BLMH: variants seen among roughly 807,000 people sequenced by gnomAD.
BLMH encodes bleomycin hydrolase.
A neutral mutation model predicts 61.6 loss-of-function variants in BLMH; 32 were observed. That is an observed-to-expected ratio of 0.52 (90% CI 0.39 to 0.70). The LOEUF is 0.70. BLMH is among the 30% of genes least tolerant of loss of function. The pLI is 0.00. For missense variants in BLMH, 460 were observed against 555.5 expected, an observed-to-expected ratio of 0.83 and a Z score of 1.73; for synonymous variants, 183 against 193.8, an observed-to-expected ratio of 0.94 and a Z score of 0.46.
At chr17:30,272,463 T>C in intron 9 of BLMH, 98 bp downstream of exon 9, 1 of 1,380,560 alleles carries the variant, frequency 7.2e-7, no homozygotes, top group Non-Finnish European at 1.0e-6. Flanking sequence ...TCAACCTTCA[T>C]CTTTGGATGA....
At chr17:30,280,041 G>C (rs1908543922) in intron 6 of BLMH, among the ~76,000 whole-genome samples, 1 of 152,180 alleles carries the variant, frequency 6.6e-6, no homozygotes. Flanking sequence ...GCAGTTGAGA[G>C]TCAGTTATAA....
chr17:30,290,587 T>C, intron 2 of BLMH, among the ~76,000 whole-genome samples: 1 of 152,258 alleles, frequency 6.6e-6, no homozygotes, highest in Non-Finnish European at 1.5e-5. Context: ...TTCCTGTCCG[T>C]ATAGATAGAC....
chr17:30,281,661 T>A (rs529611283), intron 6 of BLMH, among the ~76,000 whole-genome samples: 2 of 152,196 alleles, frequency 1.3e-5, no homozygotes, highest in Non-Finnish European at 2.9e-5. Flanking sequence ...TTCCAAAATA[T>A]ACCCTGAAAA....
chr17:30,282,713 C>A (rs1041126002), intron 6 of BLMH, among the ~76,000 whole-genome samples: 1 of 152,190 alleles, frequency 6.6e-6, no homozygotes, highest in Non-Finnish European at 1.5e-5. Context: ...CTGAGCTTCA[C>A]GGCTGTTGAT....
At chr17:30,266,523 CAAAAAAAAAAAAAAAGA>C (rs751567406) in intron 11 of BLMH, among the ~76,000 whole-genome samples, 2 of 53,080 alleles carry the variant, frequency 3.8e-5, no homozygotes, top group African/African-American at 5.7e-5. Flanking sequence ...AGACTCTGTC[CAAAAAAAAAAAAAAAGA>C]AAAAAAAAAG....
intron 11 of BLMH, among the ~76,000 whole-genome samples, chr17:30,261,145 C>A (rs1419801697): frequency 6.6e-6 from 1 of 152,156 alleles, no homozygotes; most frequent in Non-Finnish European, 1.5e-5. Flanking sequence ...CTCAAACAGA[C>A]CTGCAAATAA....
chr17:30,275,825 T>G (rs1908407649), intron 6 of BLMH, among the ~76,000 whole-genome samples: 1 of 152,236 alleles, frequency 6.6e-6, no homozygotes. Flanking sequence ...CTGTCCCTTT[T>G]GCACCCACAG....
Position 30,287,038 on chromosome 17 carries a change from GGTTTTTT to G in BLMH, c.464-143_464-137del, listed in dbSNP as rs577605303. The G allele has an allele frequency of 4.5e-3, 2,845 of 638,314 alleles. 14 individuals are homozygous for G. The highest frequency in any genetic ancestry group is 5.9e-3 in the Middle Eastern group (14 of 2,366). The allele number at this position is 638,314 out of a possible 1,614,324, so 39.5% of individuals were successfully genotyped here. On this transcript the variant is annotated intron_variant, in intron 4 of 11. Transcript: ENST00000261714. The stretch of plus-strand genomic sequence containing the variant: ...TCTTATACTTCATATTATGAAGCAG[GGTTTTTT>G]GTTTTTTGTTTTTTGTTTTTGACAG...
chr17:30,290,586 GTA>G (rs1397243427), intron 2 of BLMH, among the ~76,000 whole-genome samples: 1 of 152,190 alleles, frequency 6.6e-6, no homozygotes, highest in African/African-American at 2.4e-5. Context: ...CTTCCTGTCC[GTA>G]TAGATAGACT....
intron 11 of BLMH, among the ~76,000 whole-genome samples, chr17:30,263,516 T>C (rs2143020777): frequency 6.6e-6 from 1 of 152,344 alleles, no homozygotes; most frequent in South Asian, 2.1e-4. Flanking sequence ...CCCAGGTTGG[T>C]ATTACATGTT....
chr17:30,271,201 G>A (rs1908258828), intron 10 of BLMH, 70 bp downstream of exon 10: 3 of 1,165,934 alleles, frequency 2.6e-6, no homozygotes, highest in Non-Finnish European at 1.3e-6. Flanking sequence ...AGCTTTGTTG[G>A]GTAAACAGTC....
At chr17:30,284,632 C>A (rs907988185) in intron 6 of BLMH, among the ~76,000 whole-genome samples, 20 of 152,036 alleles carry the variant, frequency 1.3e-4, no homozygotes, top group African/African-American at 4.8e-4. Flanking sequence ...ATAATATTAC[C>A]ACCTCATATT....
intron 11 of BLMH, among the ~76,000 whole-genome samples, chr17:30,254,083 T>C (rs1201425085): frequency 6.6e-6 from 1 of 152,074 alleles, no homozygotes; most frequent in Non-Finnish European, 1.5e-5. Flanking sequence ...CCACCAGAAA[T>C]GTAAGATTTA....
intron 5 of BLMH, 141 bp from the exon 6 acceptor site, chr17:30,285,621 C>G (rs1908705975): frequency 1.9e-6 from 1 of 539,686 alleles, no homozygotes. Flanking sequence ...ATGTGTTTTT[C>G]TTCAACTTGT....
At chr17:30,273,630 G>C in intron 7 of BLMH, 1 of 198,084 alleles carries the variant, frequency 5.0e-6, no homozygotes, top group Non-Finnish European at 1.0e-5. Context: ...AGATGAGGAA[G>C]ACCTAAAGGG....
At chr17:30,285,928 TTTTCATTTTTTCA>T (rs201203689) in intron 5 of BLMH, among the ~76,000 whole-genome samples, 1,876 of 152,260 alleles carry the variant, frequency 0.012, 52 homozygotes, top group African/African-American at 0.043. Flanking sequence ...CCCAATAAAA[TTTTCATTTTTTCA>T]TTTCATTTTT....
intron 9 of BLMH, 112 bp from the exon 10 acceptor site, chr17:30,271,500 A>T: frequency 1.3e-6 from 1 of 747,250 alleles, no homozygotes; most frequent in Non-Finnish European, 2.3e-6. Flanking sequence ...GCTCCAAATA[A>T]ATAAGGCTCT....
chr17:30,274,088 T>G lies in BLMH; in HGVS notation c.755A>C (p.Glu252Ala). 1 of 1,614,136 alleles carries G rather than the reference T, an allele frequency of 6.2e-7. No individual in the cohort carries two copies. The highest frequency in any genetic ancestry group is 8.5e-7 in the Non-Finnish European group (1 of 1,180,020). Residue 252 changes from glutamate (E) to alanine (A), a missense_variant, in exon 7 of 12, where the codon GAG becomes GCG. Physicochemically the swap from Glu to Ala is moderately radical, Grantham distance 107. Transcript: ENST00000261714. ...YQKIGPITPL[E>A]FYREHVKPLF... is the part of the protein sequence containing the mutation. ...TGGCTTGACATGTTCCCTGTAAAACTCCAAGGGTGTTATGGGGCCAATTTT... is the reference window on the plus strand; with the variant it reads ...TGGCTTGACATGTTCCCTGTAAAACGCCAAGGGTGTTATGGGGCCAATTTT...
rs548475857 is a variant in BLMH at position 30,276,745 on chromosome 17, C to A, written c.646-2548G>T. Among the ~76,000 whole-genome samples, 4 of 152,292 alleles carry A rather than the reference C, an allele frequency of 2.6e-5. No individual in the cohort carries two copies. The South Asian group carries it at 8.3e-4, about 32-fold the overall frequency. The stretch of plus-strand genomic sequence containing the variant: ...CAAAACATATGTTTAGTGTGTAAAA[C>A]ACACTAACAATTCGTTTTTTAAAAA... On this transcript the variant is annotated intron_variant, in intron 6 of 11. Coordinates refer to ENST00000261714, the MANE Select transcript of BLMH (RefSeq NM_000386.4).
Sources: allele counts gnomAD v4.1 joint callset (sites outside exome capture counted in the v4.1 genomes callset), GRCh38; gene constraint gnomAD v4.1.1; transcripts MANE v1.5; gene names NCBI Gene and HGNC (gene_info 2026-07-23, HGNC 2026-07-21).